Variants in SDC2 observed in about 807,000 individuals in gnomAD.
SDC2 encodes the protein syndecan 2, also known as syndecan-2.
In SDC2, 13 loss-of-function variants were observed where a neutral mutation model predicts 22.2. The observed-to-expected ratio is 0.59, with a 90% CI of 0.38 to 0.93. SDC2 has a LOEUF of 0.93. Ranked by LOEUF, SDC2 falls within the 40% of genes least tolerant of loss-of-function variation. SDC2 has a pLI of 0.00. For synonymous variants in SDC2, 94 were observed against 92.8 expected (o/e 1.01, Z -0.07); for missense variants, 235 against 246.8 (o/e 0.95, Z 0.32).
chr8:96,586,727 T>C (rs2130619391), intron 1 of SDC2, among the ~76,000 whole-genome samples: 1 of 152,352 alleles, frequency 6.6e-6, no homozygotes, highest in Non-Finnish European at 1.5e-5. Flanking sequence ...CCAAATGTGA[T>C]TCTACCTTCA....
At chr8:96,589,488 C>T (rs1389976479) in intron 1 of SDC2, among the ~76,000 whole-genome samples, 2 of 152,214 alleles carry the variant, frequency 1.3e-5, no homozygotes, top group Non-Finnish European at 2.9e-5. Flanking sequence ...TCTTGGCTCA[C>T]TGCAGCCTCT....
At chr8:96,578,985 G>A (rs1814548988) in intron 1 of SDC2, among the ~76,000 whole-genome samples, 1 of 152,186 alleles carries the variant, frequency 6.6e-6, no homozygotes, top group South Asian at 2.1e-4. Flanking sequence ...TCAGACACTT[G>A]CCACAGGAAT....
In SDC2 at chr8:96,543,430, T is replaced by G. The variant is rs148950502; in HGVS notation, c.60+49099T>G. ...AAAGCCACATTGGTAATGAAGGAAATTAGGTAGGACCATATTAATTCCTTC... is the reference window on the plus strand; with the variant it reads ...AAAGCCACATTGGTAATGAAGGAAAGTAGGTAGGACCATATTAATTCCTTC... On this transcript the variant is annotated intron_variant, in intron 1 of 4. Transcript: ENST00000302190. 1.8e-3 allele frequency among the ~76,000 whole-genome samples: 269 copies of G among 152,318 alleles called. 2 individuals carry two copies. Among genetic ancestry groups the G allele is most frequent in the African/African-American group, 6.3e-3 (263 of 41,576 alleles).
intron 1 of SDC2, among the ~76,000 whole-genome samples, chr8:96,538,461 G>C (rs188413670): frequency 2.6e-5 from 4 of 151,906 alleles, no homozygotes; most frequent in Admixed American, 6.5e-5. Flanking sequence ...TGCTGAGGTT[G>C]AGTTGACTGA....
intron 1 of SDC2, among the ~76,000 whole-genome samples, chr8:96,554,117 G>C (rs1410100458): frequency 6.6e-6 from 1 of 152,060 alleles, no homozygotes; most frequent in Non-Finnish European, 1.5e-5. Context: ...TTCTTAATCT[G>C]TCTGTCTGGT....
chr8:96,589,540 G>A (rs1002292525), intron 1 of SDC2, among the ~76,000 whole-genome samples: 1 of 152,190 alleles, frequency 6.6e-6, no homozygotes, highest in Non-Finnish European at 1.5e-5. Flanking sequence ...AGCCTTGCGA[G>A]TAGCTGGGAT....
chr8:96,566,204 T>G (rs759711383), intron 1 of SDC2, among the ~76,000 whole-genome samples: 2 of 152,252 alleles, frequency 1.3e-5, no homozygotes, highest in African/African-American at 2.4e-5. Context: ...CATGGGCTTC[T>G]TAGATGTTTC....
rs1027212161 is a variant in SDC2 at position 96,600,030 on chromosome 8, A to T, written c.173-2365A>T. ...TAATATTAGCTGGGCACAGTGGCAC[A>T]TATATTTAGTTCCAGCTACTCAGGA... On this transcript the variant is annotated intron_variant, in intron 2 of 4. Transcript: ENST00000302190. Among the ~76,000 whole-genome samples, 79 of 152,198 alleles carry T rather than the reference A, an allele frequency of 5.2e-4. 1 individual carries two copies. Among genetic ancestry groups the T allele is most frequent in the African/African-American group, 1.9e-3 (77 of 41,538 alleles).
At chr8:96,528,299 T>C (rs1416990021) in intron 1 of SDC2, among the ~76,000 whole-genome samples, 1 of 152,172 alleles carries the variant, frequency 6.6e-6, no homozygotes, top group Non-Finnish European at 1.5e-5. Context: ...CCAAAAACTC[T>C]AAGTGATTGC....
intron 1 of SDC2, among the ~76,000 whole-genome samples, chr8:96,580,124 T>G (rs1814565973): frequency 6.6e-6 from 1 of 152,240 alleles, no homozygotes; most frequent in Admixed American, 6.5e-5. Flanking sequence ...CGCTGCAATG[T>G]GACCACTTGA....
At chr8:96,519,361 G>A (rs762015337) in intron 1 of SDC2, among the ~76,000 whole-genome samples, 11 of 151,988 alleles carry the variant, frequency 7.2e-5, no homozygotes, top group African/African-American at 1.4e-4. Context: ...TTTACTTTTC[G>A]TCATTTCTTA....
At chr8:96,560,207 A>G (rs968912714) in intron 1 of SDC2, among the ~76,000 whole-genome samples, 60 of 152,136 alleles carry the variant, frequency 3.9e-4, no homozygotes, top group African/African-American at 1.3e-3. Flanking sequence ...CTATAGTTCA[A>G]TTGGTATCTT....
At chr8:96,533,257 T>C (rs929937899) in intron 1 of SDC2, among the ~76,000 whole-genome samples, 1 of 152,190 alleles carries the variant, frequency 6.6e-6, no homozygotes, top group Non-Finnish European at 1.5e-5. Flanking sequence ...TTCCCACTGC[T>C]GGCTTGGGCA....
At position 96,610,567 on chromosome 8, in the gene SDC2, A is replaced by G. The variant is rs897948416; in HGVS notation, c.*1019A>G. The G allele has an allele frequency of 1.3e-5, 2 of 152,650 alleles. No homozygotes were observed. The highest frequency in any genetic ancestry group is 4.8e-5 in the African/African-American group (2 of 41,454). 9.5% of individuals were successfully genotyped at this position (152,650 alleles called of 1,614,324 possible). A position where few individuals can be genotyped will look rare whatever the true frequency, so the allele number is the denominator to read the frequency against. ...AGACAATTCTAATGGTAACTTTTGT[A>G]GTCTTATGAATAGACATAAATTGTA... On this transcript the variant is annotated 3_prime_UTR_variant, in exon 5 of 5. Transcript: ENST00000302190.
chr8:96,521,073 C>T (rs1813490368), intron 1 of SDC2, among the ~76,000 whole-genome samples: 1 of 152,178 alleles, frequency 6.6e-6, no homozygotes, highest in Non-Finnish European at 1.5e-5. Context: ...CAAGGAGAAT[C>T]AGTCAAAACT....
intron 1 of SDC2, among the ~76,000 whole-genome samples, chr8:96,559,253 G>A (rs913053139): frequency 6.6e-6 from 1 of 152,236 alleles, no homozygotes; most frequent in Admixed American, 6.5e-5. Flanking sequence ...CTTGAGGTGA[G>A]GCTTGAAAGA....
intron 1 of SDC2, among the ~76,000 whole-genome samples, chr8:96,514,700 A>G (rs1813376077): frequency 1.3e-5 from 2 of 152,104 alleles, no homozygotes; most frequent in African/African-American, 4.8e-5. Context: ...TCCATCTTGG[A>G]TCATCAGGCA....
chr8:96,518,470 C>A lies in SDC2; in HGVS notation c.60+24139C>A, dbSNP rs1164567204. 3.9e-4 allele frequency among the ~76,000 whole-genome samples: 59 copies of A among 151,864 alleles called. No homozygotes were observed. In the East Asian group the frequency reaches 8.4e-3, roughly 22 times the overall value. On this transcript the variant is annotated intron_variant, in intron 1 of 4. Transcript: ENST00000302190. Reference sequence around the variant, plus strand: ...CCGCCTCCCAGGTTCACGTCATTCTCCTGCCTCAGCCTCCCAAGTAGCTGG... The same window carrying A: ...CCGCCTCCCAGGTTCACGTCATTCTACTGCCTCAGCCTCCCAAGTAGCTGG...
chr8:96,533,975 G>A (rs537538904), intron 1 of SDC2, among the ~76,000 whole-genome samples: 17 of 152,332 alleles, frequency 1.1e-4, no homozygotes, highest in Admixed American at 3.3e-4. Flanking sequence ...GCTGAGGTCC[G>A]GTGAGAATTC....
Sources: allele counts gnomAD v4.1 joint callset (sites outside exome capture counted in the v4.1 genomes callset), GRCh38; gene constraint gnomAD v4.1.1; transcripts MANE v1.5; gene names NCBI Gene and HGNC (gene_info 2026-07-23, HGNC 2026-07-21).